The following DOCK3 variants were observed in gnomAD, a reference collection of about 807,000 sequenced individuals.
DOCK3 encodes the protein dedicator of cytokinesis protein 3.
DOCK3 carries 60 observed loss-of-function variants against 265.6 expected under a neutral mutation model. The ratio of observed to expected loss-of-function variants is 0.23; its 90% confidence interval spans 0.18 to 0.28. The LOEUF (loss-of-function observed/expected upper bound fraction) is 0.28, where lower values mean the gene tolerates loss of function less well. Among genes scored for constraint, DOCK3 ranks in the 10% least tolerant of loss-of-function variants. The probability of loss-of-function intolerance (pLI) is 1.00; values close to 1 mark genes in which losing one functional copy is unlikely to be tolerated. For synonymous variants in DOCK3, 881 were observed against 938.0 expected (o/e 0.94, Z 1.11); for missense variants, 1,981 against 2,594.3 (o/e 0.76, Z 5.14).
chr3:51,333,144 C>T lies in DOCK3; in HGVS notation c.3516-14C>T, dbSNP rs542119276. The T allele has an allele frequency of 2.0e-5, 32 of 1,613,904 alleles. 1 individual carries two copies. The South Asian group carries it at 3.3e-4, about 17-fold the overall frequency. On this transcript the variant is annotated splice_polypyrimidine_tract_variant and intron_variant, in intron 34 of 52. Coordinates refer to ENST00000266037, the MANE Select transcript of DOCK3 (RefSeq NM_004947.5). Reference sequence around the variant, plus strand: ...CATGAATTGTGTTTGCTTTCTCCACCCCTCCACCAATAGCCTGCTGGAGAA... The same window carrying T: ...CATGAATTGTGTTTGCTTTCTCCACTCCTCCACCAATAGCCTGCTGGAGAA...
intron 3 of DOCK3, among the ~76,000 whole-genome samples, chr3:50,871,556 G>A (rs1053202510): frequency 2.0e-5 from 3 of 151,968 alleles, no homozygotes; most frequent in Non-Finnish European, 2.9e-5. Context: ...GGATATTGAT[G>A]TCTCTCGCTA....
At chr3:50,900,286 A>G (rs538018568) in intron 4 of DOCK3, among the ~76,000 whole-genome samples, 18 of 152,170 alleles carry the variant, frequency 1.2e-4, no homozygotes, top group Admixed American at 5.2e-4. Flanking sequence ...ATACTTGTGT[A>G]TGCTTCACGA....
At chr3:51,011,356 C>T (rs758804953) in intron 5 of DOCK3, among the ~76,000 whole-genome samples, 5 of 152,114 alleles carry the variant, frequency 3.3e-5, no homozygotes, top group African/African-American at 4.8e-5. Flanking sequence ...ATTCTCTTCT[C>T]GCTTCATTTC....
intron 49 of DOCK3, among the ~76,000 whole-genome samples, chr3:51,365,799 G>A (rs956443540): frequency 6.6e-6 from 1 of 152,182 alleles, no homozygotes; most frequent in African/African-American, 2.4e-5. Flanking sequence ...TTATTGATCT[G>A]CATATGTTGA....
At chr3:51,192,874 G>A (rs939000567) in intron 12 of DOCK3, among the ~76,000 whole-genome samples, 1 of 152,040 alleles carries the variant, frequency 6.6e-6, no homozygotes, top group Non-Finnish European at 1.5e-5. Context: ...TAGCTAACTC[G>A]GGCTAACTCA....
At chr3:50,686,915 A>AAG (rs1323360891) in intron 1 of DOCK3, among the ~76,000 whole-genome samples, 1 of 149,100 alleles carries the variant, frequency 6.7e-6, no homozygotes, top group Non-Finnish European at 1.5e-5. Context: ...TCTCAAAAAA[A>AAG]AAAAAAAAAA....
chr3:51,041,830 A>ATT (rs1405301823), intron 5 of DOCK3, among the ~76,000 whole-genome samples: 1 of 152,156 alleles, frequency 6.6e-6, no homozygotes, highest in African/African-American at 2.4e-5. Flanking sequence ...AATTCTTAAA[A>ATT]GCCCCAGGGT....
At chr3:50,832,255 A>T (rs2045224646) in intron 2 of DOCK3, among the ~76,000 whole-genome samples, 1 of 152,228 alleles carries the variant, frequency 6.6e-6, no homozygotes, top group South Asian at 2.1e-4. Context: ...AAACCATAAA[A>T]ATCCTAGAAG....
intron 25 of DOCK3, among the ~76,000 whole-genome samples, chr3:51,276,130 A>G (rs1230816036): frequency 6.6e-6 from 1 of 152,226 alleles, no homozygotes; most frequent in African/African-American, 2.4e-5. Context: ...CCTTAAAAAA[A>G]GAGTATATTT....
intron 32 of DOCK3, among the ~76,000 whole-genome samples, chr3:51,328,269 C>G (rs2084283138): frequency 6.6e-6 from 1 of 152,172 alleles, no homozygotes; most frequent in Admixed American, 6.5e-5. Flanking sequence ...CATTTTTGCT[C>G]TGTTCTGAAG....
At position 50,943,180 on chromosome 3, in the gene DOCK3, A is replaced by G. The variant is rs551057846; in HGVS notation, c.315+9103A>G. On this transcript the variant is annotated intron_variant, in intron 5 of 52. Coordinates refer to ENST00000266037, the MANE Select transcript of DOCK3 (RefSeq NM_004947.5). The stretch of plus-strand genomic sequence containing the variant: ...AGGTGAAAGTATGGGGATCATTAAA[A>G]GATTAGTGGTTACCAGGGGTTGGTG... Among the ~76,000 whole-genome samples the G allele has an allele frequency of 3.9e-5, 6 of 152,228 alleles. No individual in the cohort carries two copies. The South Asian group carries it at 1.2e-3, about 32-fold the overall frequency.
intron 19 of DOCK3, among the ~76,000 whole-genome samples, chr3:51,230,738 A>C (rs2090511059): frequency 6.6e-6 from 1 of 152,234 alleles, no homozygotes; most frequent in African/African-American, 2.4e-5. Context: ...GATGGTCTCG[A>C]TCCCTTGACC....
At chr3:50,748,641 A>C (rs2039601544) in intron 1 of DOCK3, among the ~76,000 whole-genome samples, 1 of 152,198 alleles carries the variant, frequency 6.6e-6, no homozygotes, top group South Asian at 2.1e-4. Context: ...ACAAGTTGGT[A>C]CTTTTAGGCT....
At chr3:50,849,947 C>T (rs561381905) in intron 3 of DOCK3, among the ~76,000 whole-genome samples, 1 of 151,946 alleles carries the variant, frequency 6.6e-6, no homozygotes. Context: ...CTCTGACGTT[C>T]TTTCTTCTGC....
intron 3 of DOCK3, among the ~76,000 whole-genome samples, chr3:50,855,734 A>G (rs933340331): frequency 1.6e-4 from 25 of 152,206 alleles, no homozygotes; most frequent in African/African-American, 4.6e-4. Flanking sequence ...GGTTTTTTAC[A>G]TAGGTAAACA....
At chr3:51,053,078 G>GAT (rs59382660) in intron 5 of DOCK3, among the ~76,000 whole-genome samples, 1,007 of 43,444 alleles carry the variant, frequency 0.023, 41 homozygotes, top group Non-Finnish European at 0.027. Flanking sequence ...AAAAGTCAAA[G>GAT]ATATATATAT....
At chr3:50,982,098 C>T (rs531355587) in intron 5 of DOCK3, among the ~76,000 whole-genome samples, 68 of 152,300 alleles carry the variant, frequency 4.5e-4, no homozygotes, top group African/African-American at 1.5e-3. Context: ...ATCCACCTGC[C>T]TCTGCCTCCC....
chr3:51,330,131 C>A lies in DOCK3; in HGVS notation c.3403-7C>A. The A allele has an allele frequency of 6.3e-7, 1 of 1,595,822 alleles. No individual in the cohort carries two copies. The highest frequency in any genetic ancestry group is 1.1e-5 in the South Asian group (1 of 87,558). Reference sequence around the variant, plus strand: ...CTCAGGTTTATGAAGTCTCTGCTTCCTTCTAGGTGGAGGCCGAGTTGATTG... The same window carrying A: ...CTCAGGTTTATGAAGTCTCTGCTTCATTCTAGGTGGAGGCCGAGTTGATTG... On this transcript the variant is annotated splice_region_variant and splice_polypyrimidine_tract_variant and intron_variant, in intron 32 of 52. Coordinates refer to ENST00000266037, the MANE Select transcript of DOCK3 (RefSeq NM_004947.5).
intron 51 of DOCK3, 89 bp from the exon 52 acceptor site, chr3:51,380,036 A>C: frequency 3.1e-6 from 4 of 1,296,998 alleles, no homozygotes; most frequent in Non-Finnish European, 4.3e-6. Context: ...GACTCTTCTC[A>C]TGCCTGCCCA....
Sources: allele counts gnomAD v4.1 joint callset (sites outside exome capture counted in the v4.1 genomes callset), GRCh38; gene constraint gnomAD v4.1.1; transcripts MANE v1.5; gene names NCBI Gene and HGNC (gene_info 2026-07-23, HGNC 2026-07-21).